TSGA10: variants seen among roughly 807,000 people sequenced by gnomAD.
TSGA10 encodes the protein testis specific 10, also known as testis-specific gene 10 protein.
In TSGA10, 43 loss-of-function variants were observed where a neutral mutation model predicts 96.6. The ratio of observed to expected loss-of-function variants is 0.44; its 90% CI spans 0.35 to 0.57. The LOEUF (loss-of-function observed/expected upper bound fraction) is 0.57, where lower values mean the gene tolerates loss of function less well. Ranked by LOEUF, TSGA10 falls within the 20% of genes least tolerant of loss-of-function variation. The pLI is 0.01. For synonymous variants in TSGA10, 229 were observed against 269.9 expected (o/e 0.85, Z 1.48); for missense variants, 703 against 834.4 (o/e 0.84, Z 1.94).
At chr2:99,069,268 A>G (rs2085637048) in intron 14 of TSGA10, among the ~76,000 whole-genome samples, 1 of 152,154 alleles carries the variant, frequency 6.6e-6, no homozygotes, top group Non-Finnish European at 1.5e-5. Flanking sequence ...ACACATTACT[A>G]TTCTGCTTAT....
intron 10 of TSGA10, among the ~76,000 whole-genome samples, chr2:99,083,759 C>CA (rs946839966): frequency 5.3e-5 from 8 of 152,014 alleles, no homozygotes; most frequent in African/African-American, 1.9e-4. Flanking sequence ...CTTGAAATGA[C>CA]AAAATTACAG....
In TSGA10 at chr2:99,081,277, C is replaced by G. The variant is rs777155410; in HGVS notation, c.727+5G>C. 1.3e-6 allele frequency: 2 copies of G among 1,498,224 alleles called. No homozygotes were observed. Among genetic ancestry groups the G allele is most frequent in the Non-Finnish European group, 1.8e-6 (2 of 1,105,570 alleles). 92.8% of individuals were successfully genotyped at this position (1,498,224 alleles called of 1,614,324 possible). ...TAAAAGTAATATTAAGAGAAAAAAA[C>G]TCACCAATTTTTTCATCCAAGCACA... On this transcript the variant is annotated splice_donor_5th_base_variant and intron_variant, in intron 11 of 20. Transcript: ENST00000393483.
At chr2:99,078,145 C>A (rs537577113) in intron 12 of TSGA10, among the ~76,000 whole-genome samples, 2 of 151,644 alleles carry the variant, frequency 1.3e-5, no homozygotes, top group South Asian at 4.2e-4. Flanking sequence ...GTGGCAGGCA[C>A]CTGTAGTCCC....
chr2:99,076,305 A>G (rs1319475230), intron 12 of TSGA10, among the ~76,000 whole-genome samples: 2 of 151,988 alleles, frequency 1.3e-5, no homozygotes, highest in Non-Finnish European at 2.9e-5. Flanking sequence ...AGCTCTCAAC[A>G]CTGTTTTCTT....
At position 98,998,811 on chromosome 2, in the gene TSGA10, T is replaced by G. The variant is rs1050270887; in HGVS notation, c.2073-590A>C. ...ATATCCCAGTTTGTAAGATACTCCA[T>G]TATAGAAGCTGGGGTAAGGATATGT... On this transcript the variant is annotated intron_variant, in intron 20 of 20. Transcript: ENST00000393483. Among the ~76,000 whole-genome samples the G allele has an allele frequency of 2.0e-5, 3 of 152,192 alleles. No individual in the cohort carries two copies. The East Asian group carries it at 5.8e-4, about 29-fold the overall frequency.
chr2:99,071,664 A>ATTTTTT, intron 14 of TSGA10, 42 bp downstream of exon 14: 1 of 1,533,924 alleles, frequency 6.5e-7, no homozygotes. Context: ...AGAAATTCAT[A>ATTTTTT]TTTTTTTTTC....
At chr2:99,051,623 C>A (rs931265838) in intron 16 of TSGA10, among the ~76,000 whole-genome samples, 1 of 151,814 alleles carries the variant, frequency 6.6e-6, no homozygotes, top group African/African-American at 2.4e-5. Context: ...CATTATAAAC[C>A]AATCAGGCCT....
rs1250331696 is a variant in TSGA10 at position 99,136,668 on chromosome 2, G to A, written c.-620-9492C>T. On this transcript the variant is annotated intron_variant, in intron 1 of 20. Coordinates refer to ENST00000393483, the MANE Select transcript of TSGA10 (RefSeq NM_025244.4). ...AAAAAAATTAGCCGGGCGTAGTGGCGGGCGCCTGTAGTCCCAGCTACTCGG... is the reference window on the plus strand; with the variant it reads ...AAAAAAATTAGCCGGGCGTAGTGGCAGGCGCCTGTAGTCCCAGCTACTCGG... Among the ~76,000 whole-genome samples, 18 of 68,818 alleles carry A rather than the reference G, an allele frequency of 2.6e-4. 5 individuals are homozygous for A. Among genetic ancestry groups the A allele is most frequent in the African/African-American group, 6.0e-4 (15 of 25,002 alleles). 45.1% of individuals were successfully genotyped at this position (68,818 alleles called of 152,430 possible). A position where few individuals can be genotyped will look rare whatever the true frequency, so the allele number is the denominator to read the frequency against.
In TSGA10 at chr2:99,139,696, C is replaced by T. The variant is rs145866744; in HGVS notation, c.-620-12520G>A. Among the ~76,000 whole-genome samples, 756 of 151,848 alleles carry T rather than the reference C, an allele frequency of 5.0e-3. 5 individuals carry two copies. Among genetic ancestry groups the T allele is most frequent in the Middle Eastern group, 0.014 (4 of 294 alleles). On this transcript the variant is annotated intron_variant, in intron 1 of 20. Coordinates refer to ENST00000393483, the MANE Select transcript of TSGA10 (RefSeq NM_025244.4). ...TCAGCAAACTAAATACTGCGAGCAA[C>T]AATAAAGATTAATCTTAAAAAAAAT...
At chr2:99,071,660 T>A (rs754181810) in intron 14 of TSGA10, 46 bp downstream of exon 14, 3 of 1,565,786 alleles carry the variant, frequency 1.9e-6, no homozygotes. Flanking sequence ...CACAAGAAAT[T>A]CATATTTTTT....
At chr2:99,004,696 C>T (rs1005099981) in intron 20 of TSGA10, among the ~76,000 whole-genome samples, 20 of 152,082 alleles carry the variant, frequency 1.3e-4, no homozygotes, top group African/African-American at 4.6e-4. Context: ...GATTCACAGC[C>T]GAATTCTACC....
chr2:99,027,564 A>C (rs181289734), intron 17 of TSGA10, among the ~76,000 whole-genome samples: 2 of 152,234 alleles, frequency 1.3e-5, no homozygotes, highest in Non-Finnish European at 2.9e-5. Flanking sequence ...AAATAAGTTG[A>C]TAAGTTGATT....
intron 16 of TSGA10, among the ~76,000 whole-genome samples, chr2:99,062,785 G>A (rs1441943667): frequency 1.3e-5 from 2 of 152,078 alleles, no homozygotes; most frequent in African/African-American, 2.4e-5. Context: ...ATAATGAAAC[G>A]AGATGATATT....
At chr2:99,089,722 C>A (rs1173045760) in intron 10 of TSGA10, among the ~76,000 whole-genome samples, 3 of 152,148 alleles carry the variant, frequency 2.0e-5, no homozygotes, top group Non-Finnish European at 2.9e-5. Flanking sequence ...ACCTGGGAAC[C>A]ACACTCCCAT....
chr2:99,122,322 T>C (rs890292720), intron 2 of TSGA10, among the ~76,000 whole-genome samples: 3 of 152,150 alleles, frequency 2.0e-5, no homozygotes, highest in Non-Finnish European at 4.4e-5. Context: ...TTACATTATA[T>C]ATACAGAACT....
chr2:99,147,552 T>C, intron 1 of TSGA10: 1 of 1,469,706 alleles, frequency 6.8e-7, no homozygotes, highest in Non-Finnish European at 9.5e-7. Flanking sequence ...AGTCCTTTTA[T>C]TAGATTGAAG....
intron 15 of TSGA10, among the ~76,000 whole-genome samples, chr2:99,065,455 T>C (rs1457046285): frequency 6.6e-6 from 1 of 152,200 alleles, no homozygotes. Context: ...TTCCCATATG[T>C]CTGCTTACTG....
Position 99,071,877 on chromosome 2 carries a change from AT to A in TSGA10, c.939-4del. 6.2e-7 allele frequency: 1 copy of A among 1,608,122 alleles called. No individual in the cohort carries two copies. Among genetic ancestry groups the A allele is most frequent in the Admixed American group, 1.7e-5 (1 of 58,720 alleles). ...CAATTAGGGCCTCAGTACACTGTCT[AT>A]TCCACAAATCAAAGAGTACATAAGA... On this transcript the variant is annotated splice_region_variant and splice_polypyrimidine_tract_variant and intron_variant, in intron 13 of 20. Transcript: ENST00000393483.
At chr2:99,154,541 G>A (rs1199485916) in intron 1 of TSGA10, 152 bp downstream of exon 1, 1 of 155,468 alleles carries the variant, frequency 6.4e-6, no homozygotes, top group Non-Finnish European at 1.4e-5. Context: ...GATATGTAAA[G>A]ACCCAGCGTA....
Sources: gnomAD v4.1 joint callset for allele counts (sites outside exome capture counted in the v4.1 genomes callset) on GRCh38, gnomAD v4.1.1 for gene constraint, MANE v1.5 for transcripts, NCBI Gene and HGNC (gene_info 2026-07-23, HGNC 2026-07-21) for gene names.